The following NEK10 variants were observed in gnomAD, a reference collection of about 807,000 sequenced individuals.
The protein encoded by NEK10 is serine/threonine-protein kinase Nek10.
NEK10 carries 122 observed loss-of-function variants against 159.8 expected under a neutral mutation model. The ratio of observed to expected loss-of-function variants is 0.76; its 90% CI spans 0.66 to 0.89. NEK10 has a LOEUF of 0.89. Ranked by LOEUF, NEK10 falls within the 40% of genes least tolerant of loss-of-function variation. The pLI is 0.00. For missense variants in NEK10, 1,342 were observed against 1,323.1 expected, an observed-to-expected ratio of 1.01 and a Z score of -0.22; for synonymous variants, 466 against 457.1, an observed-to-expected ratio of 1.02 and a Z score of -0.25.
intron 13 of NEK10, among the ~76,000 whole-genome samples, chr3:27,300,067 C>T (rs751540605): frequency 1.6e-4 from 24 of 152,182 alleles, no homozygotes; most frequent in African/African-American, 5.1e-4. Flanking sequence ...TGAGGACATA[C>T]GATTTGGGAG....
intron 23 of NEK10, among the ~76,000 whole-genome samples, chr3:27,231,182 A>G (rs2149208953): frequency 6.6e-6 from 1 of 152,172 alleles, no homozygotes; most frequent in South Asian, 2.1e-4. Context: ...CCACAGTGGA[A>G]TAAACCTGGA....
At chr3:27,234,682 T>C (rs966602455) in intron 23 of NEK10, among the ~76,000 whole-genome samples, 1 of 152,196 alleles carries the variant, frequency 6.6e-6, no homozygotes, top group South Asian at 2.1e-4. Flanking sequence ...AAAATGGCCA[T>C]ACTGCCCAAA....
chr3:27,295,575 A>G (rs1341098781), intron 15 of NEK10, 38 bp downstream of exon 15: 3 of 1,535,260 alleles, frequency 2.0e-6, no homozygotes, highest in Non-Finnish European at 1.8e-6. Flanking sequence ...CAAGATTTCA[A>G]TAACTTGATA....
At chr3:27,223,357 C>G (rs1385648240) in intron 23 of NEK10, among the ~76,000 whole-genome samples, 1 of 152,128 alleles carries the variant, frequency 6.6e-6, no homozygotes, top group Non-Finnish European at 1.5e-5. Context: ...TTCTACCTAC[C>G]ATTGCTTGTC....
intron 28 of NEK10, 26 bp downstream of exon 28, chr3:27,174,413 C>T: frequency 6.2e-7 from 1 of 1,607,412 alleles, no homozygotes; most frequent in Non-Finnish European, 8.5e-7. Context: ...ATCCCACAAA[C>T]AGCAAATTGA....
chr3:27,281,881 G>A (rs1304111943), intron 22 of NEK10, among the ~76,000 whole-genome samples: 1 of 152,116 alleles, frequency 6.6e-6, no homozygotes, highest in African/African-American at 2.4e-5. Flanking sequence ...TGACCATGTG[G>A]AAAATAGTAC....
intron 30 of NEK10, among the ~76,000 whole-genome samples, chr3:27,152,891 G>A (rs974225142): frequency 3.3e-5 from 5 of 152,142 alleles, no homozygotes; most frequent in Admixed American, 6.6e-5. Flanking sequence ...AAACTTTAAA[G>A]CAACAGCAGT....
chr3:27,124,240 T>C (rs1180671013), intron 32 of NEK10, among the ~76,000 whole-genome samples: 2 of 152,022 alleles, frequency 1.3e-5, no homozygotes, highest in African/African-American at 4.8e-5. Flanking sequence ...AATAAAAAAA[T>C]GCTTAATAAC....
rs1240798225 is a variant in NEK10 at position 27,147,843 on chromosome 3, A to G, written c.2870-6261T>C. Among the ~76,000 whole-genome samples the G allele has an allele frequency of 2.0e-5, 3 of 152,280 alleles. No homozygotes were observed. In the East Asian group the frequency reaches 5.8e-4, roughly 29 times the overall value. On this transcript the variant is annotated intron_variant, in intron 30 of 35. Coordinates refer to ENST00000691995, the MANE Select transcript of NEK10 (RefSeq NM_001394966.1). ...TACCAGTCTTACGCTTAATTTAGCAATCTTATGTCAGCCCTTCTTTCTTGC... is the reference window on the plus strand; with the variant it reads ...TACCAGTCTTACGCTTAATTTAGCAGTCTTATGTCAGCCCTTCTTTCTTGC...
At chr3:27,222,082 AC>A (rs1461187053) in intron 23 of NEK10, among the ~76,000 whole-genome samples, 2 of 152,190 alleles carry the variant, frequency 1.3e-5, no homozygotes, top group Non-Finnish European at 2.9e-5. Context: ...TCTTCAAAAA[AC>A]TTTTCCTGGC....
chr3:27,254,854 G>A (rs1286408238), intron 23 of NEK10, among the ~76,000 whole-genome samples: 3 of 151,254 alleles, frequency 2.0e-5, no homozygotes, highest in Non-Finnish European at 2.9e-5. Context: ...GCGCTAATAC[G>A]GCAAAAAAGT....
intron 20 of NEK10, among the ~76,000 whole-genome samples, chr3:27,287,228 G>A (rs1163517958): frequency 2.0e-5 from 3 of 151,722 alleles, no homozygotes; most frequent in Non-Finnish European, 4.4e-5. Context: ...AAGCAAGCCT[G>A]GCTGCCAGAA....
intron 3 of NEK10, among the ~76,000 whole-genome samples, chr3:27,347,329 C>A (rs112238765): frequency 0.33 from 49,302 of 151,272 alleles, 10,066 homozygotes; most frequent in East Asian, 0.74. Flanking sequence ...CATGGAGAAA[C>A]CCGTCTCTAT....
At chr3:27,337,033 G>GC (rs2046852397) in intron 5 of NEK10, among the ~76,000 whole-genome samples, 1 of 151,860 alleles carries the variant, frequency 6.6e-6, no homozygotes, top group South Asian at 2.1e-4. Flanking sequence ...CATTTGGCGG[G>GC]GGGGAAAGGA....
chr3:27,177,176 T>A (rs899452417), intron 26 of NEK10, among the ~76,000 whole-genome samples: 5 of 152,160 alleles, frequency 3.3e-5, no homozygotes, highest in African/African-American at 4.8e-5. Flanking sequence ...GAATTTACAA[T>A]CTGAGAGAGA....
intron 32 of NEK10, among the ~76,000 whole-genome samples, chr3:27,124,547 G>A (rs1048915198): frequency 3.3e-5 from 5 of 152,174 alleles, no homozygotes; most frequent in Non-Finnish European, 7.3e-5. Flanking sequence ...ACAAGAAACA[G>A]CTATTAAGTG....
chr3:27,135,105 A>G (rs1943048237), intron 31 of NEK10, among the ~76,000 whole-genome samples: 1 of 152,162 alleles, frequency 6.6e-6, no homozygotes, highest in Non-Finnish European at 1.5e-5. Flanking sequence ...GCATTACTGT[A>G]GGATAGCACT....
chr3:27,192,749 C>T (rs374722713), intron 25 of NEK10, among the ~76,000 whole-genome samples: 1 of 152,002 alleles, frequency 6.6e-6, no homozygotes, highest in African/African-American at 2.4e-5. Flanking sequence ...GCAACGTAAA[C>T]TAGTTTTATA....
At chr3:27,179,324 T>C (rs772440287) in intron 26 of NEK10, among the ~76,000 whole-genome samples, 6 of 152,202 alleles carry the variant, frequency 3.9e-5, no homozygotes, top group Non-Finnish European at 5.9e-5. Flanking sequence ...TGTCATGACA[T>C]AGTTATTATC....
Sources: gnomAD v4.1 joint callset for allele counts (sites outside exome capture counted in the v4.1 genomes callset) on GRCh38, gnomAD v4.1.1 for gene constraint, MANE v1.5 for transcripts, NCBI Gene and HGNC (gene_info 2026-07-23, HGNC 2026-07-21) for gene names.